ABCD3: variants seen among roughly 807,000 people sequenced by gnomAD.
The protein encoded by ABCD3 is ATP binding cassette subfamily D member 3.
Under a neutral mutation model 105.5 loss-of-function variants are expected in ABCD3, and 41 were observed. The ratio of observed to expected loss-of-function variants is 0.39; its 90% confidence interval spans 0.30 to 0.50. The LOEUF is 0.50. Among genes scored for constraint, ABCD3 ranks in the 20% least tolerant of loss-of-function variants. ABCD3 has a pLI of 0.84. For missense variants in ABCD3, 622 were observed against 806.3 expected (o/e 0.77, Z 2.77); for synonymous variants, 258 against 269.0 (o/e 0.96, Z 0.40).
At chr1:94,390,919 T>A in the ABCD3 span, among the ~76,000 whole-genome samples, 1 of 152,320 alleles carries the variant, frequency 6.6e-6, no homozygotes, top group South Asian at 2.1e-4. Flanking sequence ...CCATTCTAAC[T>A]GGAGCATAAT....
chr1:94,386,846 C>G, the ABCD3 span, among the ~76,000 whole-genome samples: 1 of 152,082 alleles, frequency 6.6e-6, no homozygotes, highest in Non-Finnish European at 1.5e-5. Context: ...CAGAGTAAGA[C>G]TCCATCTCAA....
chr1:94,391,229 C>T, the ABCD3 span, among the ~76,000 whole-genome samples: 1 of 152,142 alleles, frequency 6.6e-6, no homozygotes, highest in Non-Finnish European at 1.5e-5. Flanking sequence ...TTTCTGTTCA[C>T]CAGCTCTTGA....
Position 94,465,714 on chromosome 1 carries a change from G to A in ABCD3, c.246+841G>A, listed in dbSNP as rs373474404. ...CTGGATTCATCAGTTATTTCATTCA[G>A]GAAGTGAGCTGCTTATACGAATAGT... On this transcript the variant is annotated intron_variant, in intron 3 of 22. Coordinates refer to ENST00000370214, the MANE Select transcript of ABCD3 (RefSeq NM_002858.4). Among the ~76,000 whole-genome samples, 19 of 152,270 alleles carry A rather than the reference G, an allele frequency of 1.2e-4. No individual in the cohort carries two copies. In the South Asian group the frequency reaches 1.7e-3, roughly 13 times the overall value.
intron 10 of ABCD3, among the ~76,000 whole-genome samples, chr1:94,484,232 A>G (rs1041802375): frequency 2.6e-5 from 4 of 152,240 alleles, no homozygotes; most frequent in African/African-American, 4.8e-5. Context: ...CAGTGTGGCA[A>G]TTCCTCAGGG....
chr1:94,487,648 A>C (rs775732932), intron 11 of ABCD3, 37 bp downstream of exon 11: 140 of 1,612,652 alleles, frequency 8.7e-5, no homozygotes, highest in Non-Finnish European at 1.1e-4. Context: ...TTTGTGGAAA[A>C]GGTGAAATAC....
the ABCD3 span, among the ~76,000 whole-genome samples, chr1:94,395,359 T>C: frequency 6.6e-6 from 1 of 152,254 alleles, no homozygotes; most frequent in East Asian, 1.9e-4. Context: ...CACAGGGAAC[T>C]CCTCAACAGC....
chr1:94,418,426 C>T lies in ABCD3; in HGVS notation c.-53C>T, dbSNP rs555210827. ...CGCGCTGCGTGCAGTAAGGTAGCCG[C>T]CGCCGCCGCCGCCGCCGCGTCCCCT... is the stretch of plus-strand genomic sequence containing the variant. On this transcript the variant is annotated 5_prime_UTR_variant, in exon 1 of 23. Transcript: ENST00000370214. 6.1e-6 allele frequency: 9 copies of T among 1,485,478 alleles called. No homozygotes were observed. In the African/African-American group the frequency reaches 9.8e-5, roughly 16 times the overall value. The allele number at this position is 1,485,478 out of a possible 1,614,324, so 92.0% of individuals were successfully genotyped here.
At chr1:94,439,129 C>A (rs750245129) in intron 1 of ABCD3, among the ~76,000 whole-genome samples, 3 of 152,140 alleles carry the variant, frequency 2.0e-5, no homozygotes, top group Non-Finnish European at 2.9e-5. Context: ...TGAATTGTTT[C>A]ATGTTGCAAA....
chr1:94,387,842 T>C, the ABCD3 span, among the ~76,000 whole-genome samples: 6 of 152,300 alleles, frequency 3.9e-5, no homozygotes, highest in Non-Finnish European at 7.3e-5. Flanking sequence ...CCAACTTTTA[T>C]TCCTCCTGGG....
intron 1 of ABCD3, among the ~76,000 whole-genome samples, chr1:94,441,218 A>G (rs1570749047): frequency 6.6e-6 from 1 of 152,338 alleles, no homozygotes; most frequent in East Asian, 1.9e-4. Flanking sequence ...TATATCACAG[A>G]TATAGGGCTA....
chr1:94,452,426 C>A (rs1376926462), intron 1 of ABCD3, among the ~76,000 whole-genome samples: 2 of 152,138 alleles, frequency 1.3e-5, no homozygotes, highest in African/African-American at 4.8e-5. Context: ...ATAGTTTAAC[C>A]TGATAGATGA....
At chr1:94,506,948 A>C (rs1650387607) in intron 21 of ABCD3, among the ~76,000 whole-genome samples, 1 of 151,710 alleles carries the variant, frequency 6.6e-6, no homozygotes, top group Non-Finnish European at 1.5e-5. Context: ...TGAGTTACAA[A>C]AGTTTTTAAC....
intron 21 of ABCD3, among the ~76,000 whole-genome samples, chr1:94,510,683 G>A (rs920355771): frequency 5.9e-5 from 9 of 152,044 alleles, no homozygotes; most frequent in Non-Finnish European, 1.3e-4. Context: ...CCTGTATTGG[G>A]TGCATATATA....
Position 94,480,580 on chromosome 1 carries a change from T to C in ABCD3, c.801T>C (p.Tyr267=), listed in dbSNP as rs748539204. The part of the protein sequence containing the change: ...TEQKYEGEYR[Y]VNSRLITNSE... ...AAAAGTATGAAGGAGAATATAGATATGTTAATTCTCGGCTCATCACAAACA... is the reference window on the plus strand; with the variant it reads ...AAAAGTATGAAGGAGAATATAGATACGTTAATTCTCGGCTCATCACAAACA... The change falls in exon 9 of 23, where the codon TAT becomes TAC. Residue 267 remains tyrosine (Y), a synonymous_variant. Transcript: ENST00000370214. The C allele has an allele frequency of 1.3e-5, 21 of 1,613,674 alleles. No individual in the cohort carries two copies. In the Middle Eastern group the frequency reaches 6.6e-4, roughly 51 times the overall value.
the ABCD3 span, among the ~76,000 whole-genome samples, chr1:94,394,979 G>A: frequency 6.6e-6 from 1 of 152,178 alleles, no homozygotes; most frequent in African/African-American, 2.4e-5. Flanking sequence ...CCAATGCCCT[G>A]TGTCTGGCAT....
intron 10 of ABCD3, among the ~76,000 whole-genome samples, chr1:94,483,709 A>G (rs1050483993): frequency 6.6e-6 from 1 of 152,226 alleles, no homozygotes; most frequent in African/African-American, 2.4e-5. Context: ...AACCTAGGCA[A>G]TACCATTCAG....
intron 2 of ABCD3, among the ~76,000 whole-genome samples, chr1:94,460,324 A>G (rs1647805187): frequency 6.6e-6 from 1 of 152,048 alleles, no homozygotes; most frequent in Admixed American, 6.6e-5. Context: ...CCTTTCTTTC[A>G]CAGAACTGCT....
chr1:94,490,068 A>G (rs775147753), intron 15 of ABCD3, 93 bp downstream of exon 15: 217 of 1,218,766 alleles, frequency 1.8e-4, no homozygotes, highest in Non-Finnish European at 2.5e-4. Context: ...TAGTGTTTAA[A>G]ATTATTTCTG....
At chr1:94,474,688 C>A (rs996600069) in intron 5 of ABCD3, among the ~76,000 whole-genome samples, 1 of 149,514 alleles carries the variant, frequency 6.7e-6, no homozygotes, top group Non-Finnish European at 1.5e-5. Flanking sequence ...TAGAAATAAT[C>A]TGGAAAATAG....
Sources: allele counts gnomAD v4.1 joint callset (sites outside exome capture counted in the v4.1 genomes callset), GRCh38; gene constraint gnomAD v4.1.1; transcripts MANE v1.5; gene names NCBI Gene and HGNC (gene_info 2026-07-23, HGNC 2026-07-21).